Variants in DLEC1 observed in about 807,000 individuals in gnomAD.
The protein encoded by DLEC1 is deleted in lung and esophageal cancer protein 1.
A neutral mutation model predicts 198.1 loss-of-function variants in DLEC1; 146 were observed. The observed-to-expected ratio is 0.74, with a 90% CI of 0.64 to 0.85. DLEC1 has a LOEUF of 0.85. DLEC1 is among the 40% of genes least tolerant of loss of function. The pLI, the probability that DLEC1 is intolerant of heterozygous loss-of-function variation, is 0.00. For synonymous variants in DLEC1, 897 were observed against 866.8 expected (o/e 1.03, Z -0.61); for missense variants, 2,233 against 2,220.0 (o/e 1.01, Z -0.12).
At chr3:38,061,210 G>A (rs1051045519) in intron 3 of DLEC1, among the ~76,000 whole-genome samples, 11 of 152,088 alleles carry the variant, frequency 7.2e-5, no homozygotes, top group South Asian at 2.1e-4. Flanking sequence ...ACAGAGTCTC[G>A]CTTTGTCACC....
Position 38,116,843 on chromosome 3 carries a change from A to C in DLEC1, c.4133A>C (p.Glu1378Ala). 1 of 1,613,782 alleles carries C rather than the reference A, an allele frequency of 6.2e-7. No homozygotes were observed. The highest frequency in any genetic ancestry group is 8.5e-7 in the Non-Finnish European group (1 of 1,179,868). ...ATCTCAGTCATCCTGCAGGCACATG[A>C]GGGGGTGCCCTCCGGCCACCTGTAC... ...KLISVILQAH[E>A]GVPSGHLYCI... is the part of the protein sequence containing the mutation. The change falls in exon 29 of 37, where the codon GAG (glutamate) becomes GCG (alanine). Residue 1378 changes from glutamate to alanine, a missense_variant. Coordinates refer to ENST00000308059, the MANE Select transcript of DLEC1 (RefSeq NM_007335.4).
In DLEC1 at chr3:38,097,631, C is replaced by T; in HGVS notation, c.2559C>T (p.Val853=). Residue 853 remains valine (V), a synonymous_variant, in exon 17 of 37, where the codon GTC becomes GTT. Transcript: ENST00000308059. Reference sequence around the variant, plus strand: ...CAGTGGTGTTACACATTGAGGCTGTCTTTAAGGTGCTGCAGGTGGAGCTGG... The same window carrying T: ...CAGTGGTGTTACACATTGAGGCTGTTTTTAAGGTGCTGCAGGTGGAGCTGG... ...PSPVVLHIEA[V]FKGPALIINV... is the part of the protein sequence containing the mutation. 1 of 1,614,164 alleles carries T rather than the reference C, an allele frequency of 6.2e-7. No individual in the cohort carries two copies. Among genetic ancestry groups the T allele is most frequent in the Non-Finnish European group, 8.5e-7 (1 of 1,180,020 alleles).
intron 12 of DLEC1, among the ~76,000 whole-genome samples, 178 bp from the exon 13 acceptor site, chr3:38,094,701 C>T (rs751141669): frequency 3.0e-4 from 45 of 152,250 alleles, no homozygotes; most frequent in Non-Finnish European, 5.3e-4. Context: ...CCCTCGCCCA[C>T]TTGCTGCCCC....
At chr3:38,064,017 T>C (rs1000812589) in intron 6 of DLEC1, 98 bp downstream of exon 6, 38 of 837,744 alleles carry the variant, frequency 4.5e-5, no homozygotes, top group South Asian at 3.0e-4. Flanking sequence ...CTTTTTTTTT[T>C]TTTTTTTAGT....
In DLEC1 at chr3:38,117,607, C is replaced by G; in HGVS notation, c.4481C>G (p.Ser1494Cys). ...ASDLIPEQPC[S>C]GVLSELVTTH... ...GACCTCATTCCCGAGCAGCCCTGCT[C>G]TGGGGTGAGTGTGCTGCCACCCTCT... The change falls in exon 32 of 37, where the codon TCT becomes TGT. Residue 1494 changes from serine (S) to cysteine (C), a missense_variant. Coordinates refer to ENST00000308059, the MANE Select transcript of DLEC1 (RefSeq NM_007335.4). 1 of 1,614,146 alleles carries G rather than the reference C, an allele frequency of 6.2e-7. No homozygotes were observed. The highest frequency in any genetic ancestry group is 8.5e-7 in the Non-Finnish European group (1 of 1,179,982).
Position 38,092,868 on chromosome 3 carries a change from C to T in DLEC1, c.1744C>T (p.Leu582=). The T allele has an allele frequency of 6.2e-7, 1 of 1,614,168 alleles. No homozygotes were observed. The highest frequency in any genetic ancestry group is 1.6e-4 in the Middle Eastern group (1 of 6,062). Residue 582 remains leucine, a synonymous_variant, in exon 11 of 37, where the codon CTG becomes TTG. Coordinates refer to ENST00000308059, the MANE Select transcript of DLEC1 (RefSeq NM_007335.4). The stretch of plus-strand genomic sequence containing the variant: ...GTGCGACAACTGCCAGATAAAGGAG[C>T]TGGTGACCATAGGTGGGCTTGAGTG... The part of the protein sequence containing the change: ...IMCDNCQIKE[L]VTIGIGQLIA...
chr3:38,093,299 TCCTC>T (rs1273400885), intron 11 of DLEC1, among the ~76,000 whole-genome samples: 1 of 150,966 alleles, frequency 6.6e-6, no homozygotes, highest in African/African-American at 2.4e-5. Flanking sequence ...CTCCCTCTCT[TCCTC>T]CCTCCCTCCT....
rs1700261917 is a variant in DLEC1, at chr3:38,117,809, C to T, written c.4489C>T (p.Leu1497=). Residue 1497 remains leucine (L), a synonymous_variant, in exon 33 of 37, where the codon CTG becomes TTG. Transcript: ENST00000308059. ...LIPEQPCSGV[L]SELVTTHHLK... Reference sequence around the variant, plus strand: ...TCCTACCTCTGTGGCTGCCCAGGTGCTGAGTGAGCTGGTGACCACCCACCA... The same window carrying T: ...TCCTACCTCTGTGGCTGCCCAGGTGTTGAGTGAGCTGGTGACCACCCACCA... The T allele has an allele frequency of 6.2e-7, 1 of 1,612,096 alleles. No individual in the cohort carries two copies. The highest frequency in any genetic ancestry group is 8.5e-7 in the Non-Finnish European group (1 of 1,179,098).
chr3:38,059,268 A>G (rs906371472), intron 2 of DLEC1, among the ~76,000 whole-genome samples: 1 of 152,242 alleles, frequency 6.6e-6, no homozygotes, highest in Non-Finnish European at 1.5e-5. Flanking sequence ...TCTTGTCACA[A>G]TAATGGCAAA....
intron 6 of DLEC1, among the ~76,000 whole-genome samples, chr3:38,080,219 C>G (rs192328520): frequency 6.6e-6 from 1 of 151,970 alleles, no homozygotes; most frequent in Non-Finnish European, 1.5e-5. Flanking sequence ...AGTCACGGAA[C>G]GAAACTGTAA....
At chr3:38,082,738 G>A (rs1698118619) in intron 6 of DLEC1, among the ~76,000 whole-genome samples, 1 of 151,588 alleles carries the variant, frequency 6.6e-6, no homozygotes, top group African/African-American at 2.4e-5. Context: ...GAAAAGCAGA[G>A]AAGGGGTAGA....
rs1193245381 is a variant in DLEC1 at position 38,064,002 on chromosome 3, T to TTTTTC, written c.1173+88_1173+92dup. 1.2e-5 allele frequency: 11 copies of TTTTTC among 915,216 alleles called. No homozygotes were observed. In the African/African-American group the frequency reaches 1.9e-4, roughly 16 times the overall value. 56.7% of individuals were successfully genotyped at this position (915,216 alleles called of 1,614,324 possible). ...TCTTTATTATGGAAATTTTCTTTTT[T>TTTTTC]TTTTCTTTTTTTTTTTTTTTTTAGT... On this transcript the variant is annotated intron_variant, in intron 6 of 36. Coordinates refer to ENST00000308059, the MANE Select transcript of DLEC1 (RefSeq NM_007335.4).
chr3:38,080,509 G>C (rs1283848939), intron 6 of DLEC1, among the ~76,000 whole-genome samples: 1 of 152,274 alleles, frequency 6.6e-6, no homozygotes, highest in African/African-American at 2.4e-5. Flanking sequence ...ACCTCAGACC[G>C]TTTGCCTATT....
intron 34 of DLEC1, among the ~76,000 whole-genome samples, chr3:38,121,103 T>G (rs1444833213): frequency 6.6e-6 from 1 of 152,044 alleles, no homozygotes; most frequent in African/African-American, 2.4e-5. Context: ...GGGAAGACTC[T>G]AGAGAGGCCG....
rs374430206 is a variant in DLEC1 at position 38,116,678 on chromosome 3, C to T, written c.4062+20C>T. The T allele has an allele frequency of 5.0e-6, 8 of 1,612,782 alleles. No individual in the cohort carries two copies. The highest frequency in any genetic ancestry group is 1.1e-5 in the South Asian group (1 of 91,054). ...TCATCAGTGAGCAGGGGTGGAGGGG[C>T]GGGGCAGGCTGGCCACTGAGGGCCA... On this transcript the variant is annotated intron_variant, in intron 28 of 36. Transcript: ENST00000308059.
chr3:38,095,128 C>T (rs932570419), intron 13 of DLEC1, 57 bp downstream of exon 13: 1 of 1,584,392 alleles, frequency 6.3e-7, no homozygotes, highest in Non-Finnish European at 8.6e-7. Flanking sequence ...TTTAGACCCC[C>T]CACCTGTGTT....
At chr3:38,110,667 G>C (rs1434198815) in intron 23 of DLEC1, among the ~76,000 whole-genome samples, 1 of 152,160 alleles carries the variant, frequency 6.6e-6, no homozygotes, top group Non-Finnish European at 1.5e-5. Context: ...GCGTGCCTGG[G>C]CTGACATGTG....
intron 11 of DLEC1, 77 bp from the exon 12 acceptor site, chr3:38,093,528 C>T (rs958845921): frequency 5.8e-6 from 9 of 1,558,264 alleles, no homozygotes; most frequent in Non-Finnish European, 6.1e-6. Flanking sequence ...TGGATGGCGG[C>T]ATGGGTCCTG....
At chr3:38,075,308 ATTAT>A (rs1697548964) in intron 6 of DLEC1, among the ~76,000 whole-genome samples, 1 of 152,138 alleles carries the variant, frequency 6.6e-6, no homozygotes, top group African/African-American at 2.4e-5. Flanking sequence ...TTTGACAAAA[ATTAT>A]TTAGGTCTTG....
Sources: allele counts gnomAD v4.1 joint callset (sites outside exome capture counted in the v4.1 genomes callset), GRCh38; gene constraint gnomAD v4.1.1; transcripts MANE v1.5; gene names NCBI Gene and HGNC (gene_info 2026-07-23, HGNC 2026-07-21).